The following VAV2 variants were observed in gnomAD, a reference collection of about 807,000 sequenced individuals.
VAV2 encodes guanine nucleotide exchange factor VAV2.
VAV2 carries 67 observed loss-of-function variants against 132.5 expected under a neutral mutation model. The observed-to-expected ratio is 0.51, with a 90% CI of 0.42 to 0.62. The LOEUF is 0.62. Ranked by LOEUF, VAV2 falls within the 20% of genes least tolerant of loss-of-function variation. The pLI, the probability that VAV2 is intolerant of heterozygous loss-of-function variation, is 0.00. For synonymous variants in VAV2, 492 were observed against 443.5 expected (o/e 1.11, Z -1.37); for missense variants, 938 against 1,153.6 (o/e 0.81, Z 2.71).
intron 2 of VAV2, among the ~76,000 whole-genome samples, chr9:133,864,052 C>T (rs1286750474): frequency 2.0e-5 from 3 of 152,160 alleles, no homozygotes; most frequent in African/African-American, 4.8e-5. Flanking sequence ...TGATCAAACA[C>T]CTCTTAGCCC....
intron 2 of VAV2, among the ~76,000 whole-genome samples, chr9:133,936,134 G>A (rs1036418709): frequency 2.0e-5 from 3 of 152,172 alleles, no homozygotes; most frequent in Admixed American, 1.3e-4. Flanking sequence ...TCACTTGGGC[G>A]AGGCCGCACC....
intron 13 of VAV2, among the ~76,000 whole-genome samples, chr9:133,790,812 C>T (rs1426635435): frequency 2.6e-5 from 4 of 152,112 alleles, no homozygotes; most frequent in Non-Finnish European, 1.5e-5. Flanking sequence ...TCTCTTTGTG[C>T]TGCTGGCACC....
At chr9:133,811,040 A>T (rs1445185497) in intron 5 of VAV2, among the ~76,000 whole-genome samples, 1 of 152,206 alleles carries the variant, frequency 6.6e-6, no homozygotes, top group Non-Finnish European at 1.5e-5. Flanking sequence ...CAGCAGGGCC[A>T]TGGCTCAGTC....
intron 1 of VAV2, among the ~76,000 whole-genome samples, chr9:133,963,234 A>T (rs1471936837): frequency 1.3e-5 from 2 of 152,190 alleles, no homozygotes; most frequent in Non-Finnish European, 2.9e-5. Flanking sequence ...AGTAAGTATC[A>T]ATTAATGATC....
At position 133,969,935 on chromosome 9, in the gene VAV2, G is replaced by A. The variant is rs1842272312; in HGVS notation, c.204+22140C>T. Among the ~76,000 whole-genome samples, 1 of 152,030 alleles carries A rather than the reference G, an allele frequency of 6.6e-6. No individual in the cohort carries two copies. The highest frequency in any genetic ancestry group is 2.4e-5 in the African/African-American group (1 of 41,380). On this transcript the variant is annotated intron_variant, in intron 1 of 29. Coordinates refer to ENST00000371850, the MANE Select transcript of VAV2 (RefSeq NM_001134398.2). This position sits in a 1 kb window ranked among gnomAD's most constrained non-coding sequence, Gnocchi z 5.1. ...GCACCAACCCTGCCCAGGGTTCCCT[G>A]GCACACCCAGGATGAAGCCGGCCCT...
chr9:133,944,651 C>T (rs953099232), intron 1 of VAV2, among the ~76,000 whole-genome samples: 1 of 152,230 alleles, frequency 6.6e-6, no homozygotes, highest in African/African-American at 2.4e-5. Flanking sequence ...GATTCAGGGG[C>T]AAATGGAGTG....
rs1282638341 is a variant in VAV2, at chr9:133,795,642, TC to T, written c.1101+25del. On this transcript the variant is annotated intron_variant, in intron 12 of 29. Coordinates refer to ENST00000371850, the MANE Select transcript of VAV2 (RefSeq NM_001134398.2). ...ACGGGCTAAGCCAGACGGTGGCTTC[TC>T]CCCTGCCTCAGTTTACCCACACACC... 1.9e-6 allele frequency: 3 copies of T among 1,613,496 alleles called. No homozygotes were observed. In the South Asian group the frequency reaches 3.3e-5, roughly 18 times the overall value.
rs1834265242 is a variant in VAV2, at chr9:133,787,277, G to A, written c.1408-17C>T. On this transcript the variant is annotated splice_polypyrimidine_tract_variant and intron_variant, in intron 15 of 29. Coordinates refer to ENST00000371850, the MANE Select transcript of VAV2 (RefSeq NM_001134398.2). ...CCCGTGAGACTAGGAAGCATGGAGA[G>A]GAGAGGAAGGGGAAGACGGTCAGTG... 6.3e-7 allele frequency: 1 copy of A among 1,581,398 alleles called. No homozygotes were observed. Among genetic ancestry groups the A allele is most frequent in the Non-Finnish European group, 8.6e-7 (1 of 1,161,536 alleles).
chr9:133,974,487 G>A (rs1298591658), intron 1 of VAV2, among the ~76,000 whole-genome samples: 1 of 152,052 alleles, frequency 6.6e-6, no homozygotes. Context: ...TTTTGCGCTG[G>A]GCCAAACACA....
intron 4 of VAV2, among the ~76,000 whole-genome samples, chr9:133,816,909 G>A (rs950488008): frequency 2.0e-5 from 3 of 152,160 alleles, no homozygotes; most frequent in African/African-American, 7.2e-5. Flanking sequence ...AGAAACTCTT[G>A]AAATCACGTA....
At chr9:133,964,073 G>T (rs1354240626) in intron 1 of VAV2, among the ~76,000 whole-genome samples, 1 of 89,366 alleles carries the variant, frequency 1.1e-5, no homozygotes, top group Non-Finnish European at 2.5e-5. Context: ...ATATATAAAT[G>T]AATAGGCCAG....
intron 1 of VAV2, among the ~76,000 whole-genome samples, chr9:133,948,332 G>A (rs1841439493): frequency 6.6e-6 from 1 of 152,246 alleles, no homozygotes; most frequent in African/African-American, 2.4e-5. Flanking sequence ...AACCTGACCC[G>A]CCTTTGCGCA....
chr9:133,931,673 C>T (rs1840693595), intron 2 of VAV2, among the ~76,000 whole-genome samples: 2 of 152,232 alleles, frequency 1.3e-5, no homozygotes, highest in Admixed American at 1.3e-4. Flanking sequence ...CCAGCCCTAA[C>T]AAAGAGCTGC....
intron 1 of VAV2, among the ~76,000 whole-genome samples, chr9:133,955,491 T>C (rs1841728949): frequency 1.6e-5 from 1 of 63,848 alleles, no homozygotes; most frequent in Non-Finnish European, 2.9e-5. Context: ...CTCCCCATGC[T>C]CCTCAGTCCC....
At chr9:133,976,377 A>C (rs1379221085) in intron 1 of VAV2, among the ~76,000 whole-genome samples, 1 of 152,104 alleles carries the variant, frequency 6.6e-6, no homozygotes, top group Non-Finnish European at 1.5e-5. Context: ...CCAGGGGGGC[A>C]GTCCCCCCAG....
intron 2 of VAV2, among the ~76,000 whole-genome samples, chr9:133,931,460 C>T (rs62576879): frequency 6.6e-6 from 1 of 152,118 alleles, no homozygotes; most frequent in Non-Finnish European, 1.5e-5. Flanking sequence ...CACGTCCTTC[C>T]CTCTTCCCTT....
Position 133,983,435 on chromosome 9 carries a change from C to CT in VAV2, c.204+8639_204+8640insA, listed in dbSNP as rs564812330. 1.6e-3 allele frequency among the ~76,000 whole-genome samples: 248 copies of CT among 152,288 alleles called. 1 individual carries two copies. The highest frequency in any genetic ancestry group is 5.7e-3 in the African/African-American group (238 of 41,546). On this transcript the variant is annotated intron_variant, in intron 1 of 29. Coordinates refer to ENST00000371850, the MANE Select transcript of VAV2 (RefSeq NM_001134398.2). ...AGGCACAGGGGGTGGGGCGGATGCTCACCCACGCCAGGCCCCCACCAAGGT... is the reference window on the plus strand; with the variant it reads ...AGGCACAGGGGGTGGGGCGGATGCTCTACCCACGCCAGGCCCCCACCAAGGT...
intron 2 of VAV2, among the ~76,000 whole-genome samples, chr9:133,868,742 C>T (rs1472340394): frequency 2.0e-5 from 3 of 152,226 alleles, no homozygotes; most frequent in Non-Finnish European, 4.4e-5. Context: ...CCGTCCTATC[C>T]CTGCAGCCCC....
chr9:133,972,641 C>T (rs1358174281), intron 1 of VAV2, among the ~76,000 whole-genome samples: 2 of 152,198 alleles, frequency 1.3e-5, no homozygotes, highest in Non-Finnish European at 2.9e-5. Context: ...TCAGAGTCAT[C>T]GGCAGGGCCT....
Sources: gnomAD v4.1 joint callset for allele counts (sites outside exome capture counted in the v4.1 genomes callset) on GRCh38, gnomAD v4.1.1 for gene constraint, Gnocchi (gnomAD v3.1) non-coding constraint, MANE v1.5 for transcripts, NCBI Gene and HGNC (gene_info 2026-07-23, HGNC 2026-07-21) for gene names.